Variants in ST3GAL3 observed in about 807,000 individuals in gnomAD.
The protein encoded by ST3GAL3 is ST3 beta-galactoside alpha-2,3-sialyltransferase 3, also known as CMP-N-acetylneuraminate-beta-1,4-galactoside alpha-2,3-sialyltransferase.
In ST3GAL3, 21 loss-of-function variants were observed where a neutral mutation model predicts 50.1. That is an observed-to-expected ratio of 0.42 (90% confidence interval 0.30 to 0.60). The LOEUF is 0.60. ST3GAL3 is among the 20% of genes least tolerant of loss of function. ST3GAL3 has a pLI of 0.19. For synonymous variants in ST3GAL3, 183 were observed against 190.0 expected, an observed-to-expected ratio of 0.96 and a Z score of 0.30; for missense variants, 353 against 489.4, an observed-to-expected ratio of 0.72 and a Z score of 2.63.
At chr1:43,764,021 A>G (rs1025267728) in intron 2 of ST3GAL3, among the ~76,000 whole-genome samples, 12 of 152,194 alleles carry the variant, frequency 7.9e-5, no homozygotes, top group African/African-American at 2.4e-4. Flanking sequence ...CATTTATTCA[A>G]TGAGATAGTG....
chr1:43,760,804 G>A (rs1190322514), intron 2 of ST3GAL3, among the ~76,000 whole-genome samples: 2 of 151,734 alleles, frequency 1.3e-5, no homozygotes, highest in Non-Finnish European at 2.9e-5. Flanking sequence ...GCCAAAAAGT[G>A]GAAACAACTC....
intron 2 of ST3GAL3, among the ~76,000 whole-genome samples, chr1:43,765,364 A>G (rs993849870): frequency 5.9e-5 from 9 of 152,152 alleles, no homozygotes; most frequent in South Asian, 2.1e-4. Context: ...AGAGAAGTTC[A>G]TGTGCTTCCC....
intron 5 of ST3GAL3, among the ~76,000 whole-genome samples, chr1:43,883,274 C>T (rs956137241): frequency 6.6e-6 from 1 of 152,124 alleles, no homozygotes; most frequent in African/African-American, 2.4e-5. Context: ...TGGCTAGGTG[C>T]CCATTCCTGA....
intron 1 of ST3GAL3, among the ~76,000 whole-genome samples, chr1:43,722,565 TGTA>T (rs1223588372): frequency 4.6e-5 from 7 of 152,146 alleles, no homozygotes; most frequent in African/African-American, 1.4e-4. Flanking sequence ...ACTAGGCTAT[TGTA>T]GTAGTCCATG....
At chr1:43,925,006 T>C (rs2083660580) in intron 11 of ST3GAL3, among the ~76,000 whole-genome samples, 1 of 152,146 alleles carries the variant, frequency 6.6e-6, no homozygotes, top group Non-Finnish European at 1.5e-5. Flanking sequence ...GTGTGGCTTC[T>C]TGGCCGGGCA....
At chr1:43,929,495 G>C (rs928224954) in intron 11 of ST3GAL3, among the ~76,000 whole-genome samples, 4 of 151,996 alleles carry the variant, frequency 2.6e-5, no homozygotes, top group South Asian at 2.1e-4. Flanking sequence ...GTAGAAACAG[G>C]GTTTCACCAT....
intron 5 of ST3GAL3, chr1:43,858,372 T>C: frequency 8.3e-7 from 1 of 1,205,010 alleles, no homozygotes; most frequent in Non-Finnish European, 1.1e-6. Context: ...GCAGACCAGT[T>C]CCAGGCTCCA....
chr1:43,784,268 G>C (rs562091054), intron 2 of ST3GAL3, among the ~76,000 whole-genome samples: 20 of 152,260 alleles, frequency 1.3e-4, no homozygotes, highest in Middle Eastern at 3.4e-3. Context: ...CAGCACTTTG[G>C]GAGGCCGAGG....
intron 2 of ST3GAL3, among the ~76,000 whole-genome samples, chr1:43,749,769 T>C (rs1685299831): frequency 6.6e-6 from 1 of 152,192 alleles, no homozygotes; most frequent in Non-Finnish European, 1.5e-5. Context: ...TGGGAAGTGA[T>C]TGGGTCATGA....
intron 1 of ST3GAL3, chr1:43,708,161 C>G (rs1395685981): frequency 6.6e-6 from 1 of 152,266 alleles, no homozygotes; most frequent in Non-Finnish European, 1.5e-5. Flanking sequence ...GTACGCCTCT[C>G]TTGCTTCCTT....
intron 4 of ST3GAL3, chr1:43,824,862 C>T: frequency 1.1e-6 from 1 of 910,320 alleles, no homozygotes; most frequent in Non-Finnish European, 1.8e-6. Context: ...GAGGACACAG[C>T]CTTTGCATTA....
chr1:43,898,962 G>A, intron 7 of ST3GAL3: 1 of 641,434 alleles, frequency 1.6e-6, no homozygotes, highest in African/African-American at 1.8e-5. Flanking sequence ...TCAGGGCCTA[G>A]ATAGAGATGC....
chr1:43,834,613 A>G (rs1312252324), intron 4 of ST3GAL3, among the ~76,000 whole-genome samples: 1 of 152,168 alleles, frequency 6.6e-6, no homozygotes, highest in East Asian at 1.9e-4. Context: ...AGCCTCCTGC[A>G]GTGCTACTCC....
rs778848698 is a variant in ST3GAL3 at position 43,765,753 on chromosome 1, CTGTGTGTGTGTGTGTG to C, written c.119-26332_119-26317del. On this transcript the variant is annotated intron_variant, in intron 2 of 11. Transcript: ENST00000347631. Reference sequence around the variant, plus strand: ...TGTGCATGTGTGTGTCTGTGTGTGTCTGTGTGTGTGTGTGTGTGTGTGTGTGTGTGTGCGCGCGCGC... The same window carrying C: ...TGTGCATGTGTGTGTCTGTGTGTGTCTGTGTGTGTGTGTGTGCGCGCGCGC... Among the ~76,000 whole-genome samples the C allele has an allele frequency of 9.3e-3, 1,072 of 115,794 alleles. 20 individuals carry two copies. Among genetic ancestry groups the C allele is most frequent in the African/African-American group, 0.033 (1,016 of 31,104 alleles). The allele number at this position is 115,794 out of a possible 152,430, so 76.0% of individuals were successfully genotyped here. A position where few individuals can be genotyped will look rare whatever the true frequency, so the allele number is the denominator to read the frequency against.
At position 43,894,545 on chromosome 1, in the gene ST3GAL3, G is replaced by A. The variant is rs114398858; in HGVS notation, c.397+68G>A. The A allele has an allele frequency of 2.0e-3, 2,798 of 1,421,126 alleles. 13 individuals are homozygous for A. The highest frequency in any genetic ancestry group is 1.7e-3 in the Non-Finnish European group (1,683 of 1,004,614). 88.0% of individuals were successfully genotyped at this position (1,421,126 alleles called of 1,614,324 possible). A position where few individuals can be genotyped will look rare whatever the true frequency, so the allele number is the denominator to read the frequency against. On this transcript the variant is annotated intron_variant, in intron 6 of 11. Transcript: ENST00000347631. ...GACTGTCTCCCTGTCCTTCAGACAA[G>A]GCTACATCCTCAGAAGTCCCCATGC...
chr1:43,821,430 AAATGG>A (rs1407594616), intron 4 of ST3GAL3, among the ~76,000 whole-genome samples: 1 of 152,166 alleles, frequency 6.6e-6, no homozygotes. Flanking sequence ...ATGAAAGCAA[AAATGG>A]AAGGAACATT....
At chr1:43,754,275 C>T (rs1183167223) in intron 2 of ST3GAL3, among the ~76,000 whole-genome samples, 1 of 152,214 alleles carries the variant, frequency 6.6e-6, no homozygotes, top group Non-Finnish European at 1.5e-5. Flanking sequence ...TCACTGCATC[C>T]TCTGCCTCCT....
intron 5 of ST3GAL3, chr1:43,894,037 A>G: frequency 2.8e-6 from 1 of 360,706 alleles, no homozygotes; most frequent in Non-Finnish European, 5.4e-6. Flanking sequence ...CCCAGATTGC[A>G]GGAACAGTGT....
chr1:43,714,432 CAAAAAAAAAA>C (rs35400929), intron 1 of ST3GAL3, among the ~76,000 whole-genome samples: 3 of 73,742 alleles, frequency 4.1e-5, no homozygotes, highest in Non-Finnish European at 2.4e-5. Context: ...TACTAAAATA[CAAAAAAAAAA>C]AAAAAAAAAA....
Sources: gnomAD v4.1 joint callset for allele counts (sites outside exome capture counted in the v4.1 genomes callset) on GRCh38, gnomAD v4.1.1 for gene constraint, MANE v1.5 for transcripts, NCBI Gene and HGNC (gene_info 2026-07-23, HGNC 2026-07-21) for gene names.